IGSF5: variants seen among roughly 807,000 people sequenced by gnomAD.
The protein encoded by IGSF5 is immunoglobulin superfamily 5 like.
Under a neutral mutation model 39.4 loss-of-function variants are expected in IGSF5, and 41 were observed. The ratio of observed to expected loss-of-function variants is 1.04; its 90% confidence interval spans 0.81 to 1.35. IGSF5 has a LOEUF of 1.35. IGSF5 is among the 40% of genes most tolerant of loss of function. The probability of loss-of-function intolerance (pLI) is 0.00; values close to 1 mark genes in which losing one functional copy is unlikely to be tolerated. For missense variants in IGSF5, 487 were observed against 494.6 expected (o/e 0.98, Z 0.15); for synonymous variants, 183 against 175.3 (o/e 1.04, Z -0.34).
chr21:39,756,941 C>G (rs117842372), intron 2 of IGSF5, among the ~76,000 whole-genome samples: 17 of 151,970 alleles, frequency 1.1e-4, no homozygotes, highest in Admixed American at 1.1e-3. Context: ...CAGGCTTTAC[C>G]CCATCTATCC....
chr21:39,774,614 G>A (rs538127081), intron 4 of IGSF5, among the ~76,000 whole-genome samples: 76 of 152,168 alleles, frequency 5.0e-4, no homozygotes, highest in Non-Finnish European at 9.6e-4. Context: ...CATTGCAGAC[G>A]TATCCAAAAC....
chr21:39,716,239 A>G, the IGSF5 span, among the ~76,000 whole-genome samples: 5 of 152,322 alleles, frequency 3.3e-5, no homozygotes, highest in African/African-American at 9.6e-5. Flanking sequence ...GGGTCCAACC[A>G]TAAGTCCCCA....
chr21:39,765,839 C>G lies in IGSF5; in HGVS notation c.405C>G (p.Tyr135Ter). Residue 135 changes from tyrosine (Y) to a stop codon, truncating the protein, a stop_gained, in exon 3 of 9, where the codon TAC (tyrosine) becomes TAG (stop). Coordinates refer to ENST00000380588, the MANE Select transcript of IGSF5 (RefSeq NM_001080444.2). LOFTEE classifies it high-confidence loss of function. ...ACAGTCGCCTGCATGGATCTGCTTA[C>G]CTTACCGTCCAAGGTGTGTATGCAG... ...LQNSRLHGSA[Y>*]LTVQVMGELF... The G allele has an allele frequency of 6.2e-7, 1 of 1,612,426 alleles. No individual in the cohort carries two copies.
At chr21:39,731,460 T>G in the IGSF5 span, among the ~76,000 whole-genome samples, 5 of 152,192 alleles carry the variant, frequency 3.3e-5, no homozygotes, top group African/African-American at 1.2e-4. Context: ...GCGCTATTAC[T>G]CTTGTGATTT....
intron 5 of IGSF5, among the ~76,000 whole-genome samples, chr21:39,782,427 CT>C (rs1442052511): frequency 6.6e-6 from 1 of 152,184 alleles, no homozygotes; most frequent in Non-Finnish European, 1.5e-5. Context: ...TACATTTACA[CT>C]TTTATGCAAC....
intron 2 of IGSF5, among the ~76,000 whole-genome samples, chr21:39,750,523 A>AAG (rs1555940576): frequency 3.3e-5 from 5 of 151,268 alleles, no homozygotes; most frequent in East Asian, 3.9e-4. Context: ...AAAAAAAAAA[A>AAG]AAAGCAGTTC....
At chr21:39,750,152 G>A (rs1374736930) in intron 2 of IGSF5, among the ~76,000 whole-genome samples, 1 of 152,210 alleles carries the variant, frequency 6.6e-6, no homozygotes, top group Non-Finnish European at 1.5e-5. Flanking sequence ...CTTTGGCTTA[G>A]TGATTTTGGG....
chr21:39,711,915 G>A, the IGSF5 span, among the ~76,000 whole-genome samples: 1 of 152,142 alleles, frequency 6.6e-6, no homozygotes, highest in Non-Finnish European at 1.5e-5. Flanking sequence ...TATGGCAAAA[G>A]AAGCCTGAAG....
chr21:39,715,234 C>T, the IGSF5 span, among the ~76,000 whole-genome samples: 328 of 152,264 alleles, frequency 2.2e-3, no homozygotes, highest in African/African-American at 7.6e-3. Flanking sequence ...CCTCCTGCCT[C>T]AGCCTTGCAA....
At position 39,801,449 on chromosome 21, in the gene IGSF5, G is replaced by A. The variant is rs536066145; in HGVS notation, c.*92G>A. 1.5e-3 allele frequency: 1,353 copies of A among 897,104 alleles called. 1 individual carries two copies. The highest frequency in any genetic ancestry group is 2.2e-3 in the Non-Finnish European group (1,247 of 563,130). The allele number at this position is 897,104 out of a possible 1,614,324, so 55.6% of individuals were successfully genotyped here. Reference sequence around the variant, plus strand: ...CTTTCCATCCTAAGACTGGCCTGCAGCTTTGCCAACATTACCTGAAGAGGA... The same window carrying A: ...CTTTCCATCCTAAGACTGGCCTGCAACTTTGCCAACATTACCTGAAGAGGA... On this transcript the variant is annotated 3_prime_UTR_variant, in exon 9 of 9. Transcript: ENST00000380588.
chr21:39,734,637 T>C, the IGSF5 span, among the ~76,000 whole-genome samples: 1 of 152,128 alleles, frequency 6.6e-6, no homozygotes, highest in African/African-American at 2.4e-5. Context: ...TTCTAAGGGA[T>C]TCATTAGGTG....
chr21:39,753,439 T>C (rs1440421283), intron 2 of IGSF5, among the ~76,000 whole-genome samples: 1 of 152,222 alleles, frequency 6.6e-6, no homozygotes, highest in Admixed American at 6.5e-5. Flanking sequence ...AGCCTCCAGA[T>C]TTATACTCTA....
At chr21:39,791,663 A>T in intron 6 of IGSF5, 1 of 208,796 alleles carries the variant, frequency 4.8e-6, no homozygotes, top group Non-Finnish European at 9.6e-6. Context: ...TTCCAATGAA[A>T]CTTTATTTAC....
intron 1 of IGSF5, 114 bp from the exon 2 acceptor site, chr21:39,746,102 A>C (rs2079973104): frequency 1.5e-6 from 1 of 684,104 alleles, no homozygotes; most frequent in Non-Finnish European, 2.7e-6. Context: ...GAACCATGGA[A>C]GCCAGTGACT....
rs200006470 is a variant in IGSF5, at chr21:39,801,353, T to C, written c.1220T>C (p.Val407Ala). The change falls in exon 9 of 9, where the codon GTA becomes GCA. Residue 407 changes from valine (V) to alanine (A), a missense_variant. Physicochemically the swap from Val to Ala is moderately conservative, Grantham distance 64. Transcript: ENST00000380588. ...GAGAAGGTCAGTAATACAACTGTAGTATAGCAAAGCCTTCCCCAAGCTCCA... is the reference window on the plus strand; with the variant it reads ...GAGAAGGTCAGTAATACAACTGTAGCATAGCAAAGCCTTCCCCAAGCTCCA... ...SPEKVSNTTV[V>A] The C allele has an allele frequency of 3.7e-5, 60 of 1,610,292 alleles. No homozygotes were observed. In the East Asian group the frequency reaches 1.3e-3, roughly 35 times the overall value.
Position 39,771,006 on chromosome 21 carries a change from G to A in IGSF5, c.509G>A (p.Arg170Gln), listed in dbSNP as rs778551128. ...ACTTGTCTACCCTCACACTGGACCC[G>A]GCTCCCGGATATTTCCTGGGAGCTC... is the stretch of plus-strand genomic sequence containing the variant. ...EVTCLPSHWTRLPDISWELGL... is the reference protein window; with the variant it reads ...EVTCLPSHWTQLPDISWELGL... The change falls in exon 4 of 9, where the codon CGG (arginine) becomes CAG (glutamine). Residue 170 changes from arginine to glutamine, a missense_variant. Physicochemically the swap from Arg to Gln is conservative, Grantham distance 43. Coordinates refer to ENST00000380588, the MANE Select transcript of IGSF5 (RefSeq NM_001080444.2). The A allele has an allele frequency of 2.5e-5, 41 of 1,613,178 alleles. No individual in the cohort carries two copies. Among genetic ancestry groups the A allele is most frequent in the Non-Finnish European group, 3.2e-5 (38 of 1,179,718 alleles).
Position 39,771,043 on chromosome 21 carries a change from C to A in IGSF5, c.546C>A (p.Val182=). The A allele has an allele frequency of 6.2e-7, 1 of 1,613,702 alleles. No homozygotes were observed. The highest frequency in any genetic ancestry group is 1.1e-5 in the South Asian group (1 of 90,928). The change falls in exon 4 of 9, where the codon GTC becomes GTA. Residue 182 remains valine, a synonymous_variant. Transcript: ENST00000380588. ...TTTCCTGGGAGCTCGGTCTCCTGGT[C>A]AGCCATTCAAGCTATTATTTTGTTC... is the stretch of plus-strand genomic sequence containing the variant. The part of the protein sequence containing the change: ...PDISWELGLL[V]SHSSYYFVPE...
At chr21:39,746,393 C>T in intron 2 of IGSF5, 95 bp downstream of exon 2, 1 of 616,152 alleles carries the variant, frequency 1.6e-6, no homozygotes, top group East Asian at 2.9e-5. Context: ...AACAGAGCTC[C>T]CATACAAAGG....
At chr21:39,748,423 G>T (rs2079987037) in intron 2 of IGSF5, among the ~76,000 whole-genome samples, 1 of 137,518 alleles carries the variant, frequency 7.3e-6, no homozygotes, top group East Asian at 2.4e-4. Context: ...CAATTCTCCT[G>T]CCTCAGCCAC....
Sources: gnomAD v4.1 joint callset for allele counts (sites outside exome capture counted in the v4.1 genomes callset) on GRCh38, gnomAD v4.1.1 for gene constraint, MANE v1.5 for transcripts, NCBI Gene and HGNC (gene_info 2026-07-23, HGNC 2026-07-21) for gene names.